TRAP1: variants seen among roughly 807,000 people sequenced by gnomAD.
TRAP1 encodes heat shock protein 75 kDa, mitochondrial.
A neutral mutation model predicts 89.1 loss-of-function variants in TRAP1; 102 were observed. The ratio of observed to expected loss-of-function variants is 1.15; its 90% CI spans 0.98 to 1.35. The LOEUF (loss-of-function observed/expected upper bound fraction) is 1.35. Ranked by LOEUF, TRAP1 falls within the 40% of genes most tolerant of loss-of-function variation. The pLI is 0.00. For synonymous variants in TRAP1, 508 were observed against 388.0 expected, an observed-to-expected ratio of 1.31 and a Z score of -3.64; for missense variants, 1,256 against 945.3, an observed-to-expected ratio of 1.33 and a Z score of -4.31.
intron 1 of TRAP1, among the ~76,000 whole-genome samples, chr16:3,692,212 C>T (rs987857200): frequency 2.0e-5 from 3 of 152,168 alleles, no homozygotes; most frequent in Admixed American, 6.6e-5. Context: ...GGAAAGACAA[C>T]AGAATATCCA....
chr16:3,702,638 G>A (rs2051381869), intron 1 of TRAP1, among the ~76,000 whole-genome samples: 1 of 151,630 alleles, frequency 6.6e-6, no homozygotes, highest in Admixed American at 6.6e-5. Context: ...CAGCTACTTG[G>A]GGTACTTGAG....
chr16:3,674,346 G>C lies in TRAP1; in HGVS notation c.1037C>G (p.Pro346Arg), dbSNP rs1422474678. Reference protein sequence around the residue: ...PLNIRSIFYVPDMKPSMFDVS... With the variant: ...PLNIRSIFYVRDMKPSMFDVS... ...ACTGCCACAGTGCCTCACCATGTCG[G>C]GCACGTAGAAGATGCTGCGGATGTT... The change falls in exon 9 of 18, where the codon CCC becomes CGC. Residue 346 changes from proline to arginine, a missense_variant. Physicochemically the swap from Pro to Arg is moderately radical, Grantham distance 103. Transcript: ENST00000246957. 5 of 1,613,834 alleles carry C rather than the reference G, an allele frequency of 3.1e-6. No individual in the cohort carries two copies. In the South Asian group the frequency reaches 4.4e-5, roughly 14 times the overall value.
chr16:3,680,119 C>G (rs139100826), intron 4 of TRAP1: 1 of 223,782 alleles, frequency 4.5e-6, no homozygotes, highest in Admixed American at 4.9e-5. Context: ...TCCAGCTACT[C>G]GGAGGCTGAG....
chr16:3,700,390 C>A (rs2051349687), intron 1 of TRAP1, among the ~76,000 whole-genome samples: 1 of 151,570 alleles, frequency 6.6e-6, no homozygotes, highest in African/African-American at 2.4e-5. Context: ...TGCTCTCTAA[C>A]TCCTGACCTC....
At chr16:3,675,212 C>T (rs1825923930) in intron 8 of TRAP1, 112 bp downstream of exon 8, 2 of 998,346 alleles carry the variant, frequency 2.0e-6, no homozygotes, top group Admixed American at 4.2e-5. Context: ...CACAGAGCAG[C>T]TCGCCCTGTG....
At chr16:3,677,101 T>C (rs1346211058) in intron 6 of TRAP1, among the ~76,000 whole-genome samples, 7 of 147,692 alleles carry the variant, frequency 4.7e-5, no homozygotes, top group East Asian at 2.0e-4. Context: ...CCTCACCCTA[T>C]AGAGGCAGAA....
At chr16:3,663,093 G>C (rs924102148) in intron 14 of TRAP1, 126 bp from the exon 15 acceptor site, 10 of 762,956 alleles carry the variant, frequency 1.3e-5, no homozygotes, top group Middle Eastern at 7.5e-4. Context: ...AAGCTAGCAA[G>C]ATGCTTTTCA....
At position 3,658,873 on chromosome 16, in the gene TRAP1, A is replaced by C; in HGVS notation, c.1941-8T>G. On this transcript the variant is annotated splice_region_variant and splice_polypyrimidine_tract_variant and intron_variant, in intron 16 of 17. Transcript: ENST00000246957. Reference sequence around the variant, plus strand: ...TTCTTGATGAGCGCGTGCCTGCAACACAGAACCCACCAGAAAAAGCAGCTC... The same window carrying C: ...TTCTTGATGAGCGCGTGCCTGCAACCCAGAACCCACCAGAAAAAGCAGCTC... 6.2e-7 allele frequency: 1 copy of C among 1,613,974 alleles called. No homozygotes were observed. Among genetic ancestry groups the C allele is most frequent in the Non-Finnish European group, 8.5e-7 (1 of 1,179,928 alleles).
chr16:3,669,367 T>C (rs944865214), intron 11 of TRAP1, among the ~76,000 whole-genome samples: 1 of 152,216 alleles, frequency 6.6e-6, no homozygotes, highest in African/African-American at 2.4e-5. Flanking sequence ...GTCGGGGTCC[T>C]GCTGTCAGAA....
At position 3,658,805 on chromosome 16, in the gene TRAP1, C is replaced by T. The variant is rs1401177780; in HGVS notation, c.2001G>A (p.Leu667=). 1.7e-5 allele frequency: 27 copies of T among 1,613,670 alleles called. No homozygotes were observed. The Admixed American group carries it at 4.3e-4, about 26-fold the overall frequency. The change falls in exon 17 of 18, where the codon CTG becomes CTA. Residue 667 remains leucine, a synonymous_variant. Transcript: ENST00000246957. ...CTGCTGCACTCACCTGATCCACCAG[C>T]AGCTGAGCCAGGCCAGGCTCGCTTG... The part of the protein sequence containing the change: ...LRASEPGLAQ[L]LVDQIYENAM...
chr16:3,716,622 G>C (rs1270377079), intron 1 of TRAP1, among the ~76,000 whole-genome samples: 1 of 106,554 alleles, frequency 9.4e-6, no homozygotes, highest in Admixed American at 1.0e-4. Flanking sequence ...ACATGGTTTA[G>C]GCTTTTTAGA....
At chr16:3,711,619 A>C (rs1445110168) in intron 1 of TRAP1, among the ~76,000 whole-genome samples, 2 of 152,008 alleles carry the variant, frequency 1.3e-5, no homozygotes, top group African/African-American at 4.8e-5. Flanking sequence ...AAAAAAAAAC[A>C]AAAACCAAAA....
intron 3 of TRAP1, among the ~76,000 whole-genome samples, chr16:3,686,796 C>G (rs1341090376): frequency 6.6e-6 from 1 of 152,128 alleles, no homozygotes; most frequent in East Asian, 1.9e-4. Context: ...CATGGCAAAA[C>G]CCAGTCTCTA....
At position 3,658,686 on chromosome 16, in the gene TRAP1, C is replaced by CA. The variant is rs199922950; in HGVS notation, c.2013+106dup. The CA allele has an allele frequency of 2.0e-3, 2,325 of 1,154,498 alleles. 41 individuals carry two copies. The African/African-American group carries it at 0.03, about 15-fold the overall frequency. The allele number at this position is 1,154,498 out of a possible 1,614,324, so 71.5% of individuals were successfully genotyped here. ...CACTCCATCTCAAAAAACAAACAAA[C>CA]AAACAAAAAGACAGGATTTTAGAGG... On this transcript the variant is annotated intron_variant, in intron 17 of 17. Transcript: ENST00000246957.
chr16:3,716,996 G>C (rs2051605928), intron 1 of TRAP1, among the ~76,000 whole-genome samples: 1 of 152,242 alleles, frequency 6.6e-6, no homozygotes, highest in African/African-American at 2.4e-5. Context: ...GAGGCGGGGA[G>C]GGGTAAAGCA....
At chr16:3,668,518 C>G (rs1596704732) in intron 11 of TRAP1, among the ~76,000 whole-genome samples, 1 of 152,358 alleles carries the variant, frequency 6.6e-6, no homozygotes, top group South Asian at 2.1e-4. Flanking sequence ...GAGAAGGCAA[C>G]TTCCTCTCAC....
intron 17 of TRAP1, 37 bp downstream of exon 17, chr16:3,658,756 C>T (rs941200615): frequency 5.0e-6 from 8 of 1,593,940 alleles, no homozygotes; most frequent in Non-Finnish European, 5.1e-6. Flanking sequence ...GGCTGGTAGC[C>T]TGGGTCCCTG....
Position 3,711,617 on chromosome 16 carries a change from A to C in TRAP1, c.88+5804T>G, listed in dbSNP as rs542899039. ...CCATCTTGAAAAAAACAAAAAAAAAACAAAAACCAAAACAAAAACAAAAAA... is the reference window on the plus strand; with the variant it reads ...CCATCTTGAAAAAAACAAAAAAAAACCAAAAACCAAAACAAAAACAAAAAA... On this transcript the variant is annotated intron_variant, in intron 1 of 17. Coordinates refer to ENST00000246957, the MANE Select transcript of TRAP1 (RefSeq NM_016292.3). Among the ~76,000 whole-genome samples the C allele has an allele frequency of 3.9e-5, 6 of 152,118 alleles. No individual in the cohort carries two copies. In the East Asian group the frequency reaches 5.8e-4, roughly 15 times the overall value.
At position 3,715,675 on chromosome 16, in the gene TRAP1, C is replaced by T. The variant is rs1370012584; in HGVS notation, c.88+1746G>A. 2.6e-5 allele frequency among the ~76,000 whole-genome samples: 4 copies of T among 151,970 alleles called. No individual in the cohort carries two copies. In the South Asian group the frequency reaches 6.2e-4, roughly 24 times the overall value. ...AATTAACAGAACAGTTGGCCAGGCA[C>T]GGTGACACACGCCTGCAATCCCAGC... On this transcript the variant is annotated intron_variant, in intron 1 of 17. Transcript: ENST00000246957.
Sources: allele counts gnomAD v4.1 joint callset (sites outside exome capture counted in the v4.1 genomes callset), GRCh38; gene constraint gnomAD v4.1.1; transcripts MANE v1.5; gene names NCBI Gene and HGNC (gene_info 2026-07-23, HGNC 2026-07-21).